ADAM20: variants seen among roughly 807,000 people sequenced by gnomAD.
ADAM20 encodes the protein disintegrin and metalloproteinase domain-containing protein 20.
For missense variants in ADAM20, 871 were observed against 883.2 expected (o/e 0.99, Z 0.18); for synonymous variants, 305 against 310.2 (o/e 0.98, Z 0.18).
chr14:70,564,597 T>C, the ADAM20 span, among the ~76,000 whole-genome samples: 136 of 152,088 alleles, frequency 8.9e-4, no homozygotes, highest in African/African-American at 3.3e-3. Context: ...AAAATGGGAA[T>C]TTTCAAATAC....
the ADAM20 span, among the ~76,000 whole-genome samples, chr14:70,578,016 T>C: frequency 6.6e-6 from 1 of 152,140 alleles, no homozygotes; most frequent in East Asian, 1.9e-4. Flanking sequence ...ATAGAAGAAA[T>C]AATAAATTGG....
intron 1 of ADAM20, among the ~76,000 whole-genome samples, chr14:70,529,319 C>T (rs953507097): frequency 6.6e-6 from 1 of 152,166 alleles, no homozygotes; most frequent in African/African-American, 2.4e-5. Flanking sequence ...AGATTGAAAT[C>T]ACCCCAAGCA....
intron 1 of ADAM20, among the ~76,000 whole-genome samples, chr14:70,526,139 G>C (rs937903297): frequency 4.6e-5 from 7 of 152,292 alleles, no homozygotes; most frequent in African/African-American, 1.7e-4. Context: ...TTTGGCTCAA[G>C]TAAAAGCTAA....
chr14:70,537,914 G>T (rs1883868837), upstream of ADAM20, among the ~76,000 whole-genome samples: 1 of 152,000 alleles, frequency 6.6e-6, no homozygotes, highest in Admixed American at 6.6e-5. Context: ...TCTATATTCA[G>T]GCTTTCTTCT....
chr14:70,556,588 G>C, the ADAM20 span: 1 of 152,156 alleles, frequency 6.6e-6, no homozygotes, highest in East Asian at 1.9e-4. Context: ...TTCAATTGTC[G>C]CCATGAAATT....
the ADAM20 span, among the ~76,000 whole-genome samples, chr14:70,577,587 C>A: frequency 4.6e-5 from 7 of 152,038 alleles, no homozygotes; most frequent in Admixed American, 3.3e-4. Context: ...GAACTATAAC[C>A]CCTAAAATTC....
the ADAM20 span, among the ~76,000 whole-genome samples, chr14:70,578,344 AG>A: frequency 1.3e-5 from 2 of 152,172 alleles, no homozygotes. Context: ...AAACTACCTC[AG>A]GATGTGCCAA....
upstream of ADAM20, among the ~76,000 whole-genome samples, chr14:70,536,811 T>C (rs1002672870): frequency 1.3e-5 from 2 of 149,824 alleles, no homozygotes; most frequent in African/African-American, 2.5e-5. Context: ...CAAGATAACC[T>C]CCCCTCCAGC....
the ADAM20 span, among the ~76,000 whole-genome samples, chr14:70,555,611 T>C: frequency 6.6e-6 from 1 of 152,112 alleles, no homozygotes; most frequent in Non-Finnish European, 1.5e-5. Flanking sequence ...AACAACTTAT[T>C]GAAAATTTAG....
chr14:70,566,797 T>C, the ADAM20 span, among the ~76,000 whole-genome samples: 1 of 152,018 alleles, frequency 6.6e-6, no homozygotes, highest in Non-Finnish European at 1.5e-5. Flanking sequence ...CTGGCCAACA[T>C]GGTGAAACCT....
At position 70,523,878 on chromosome 14, in the gene ADAM20, C is replaced by T. The variant is rs143287090; in HGVS notation, c.880G>A (p.Asp294Asn). The T allele has an allele frequency of 1.9e-4, 310 of 1,613,966 alleles. No individual in the cohort carries two copies. The highest frequency in any genetic ancestry group is 1.7e-3 in the African/African-American group (127 of 75,028). ...NYNLNNRLQH[D>N]VAHLFIKDTQ... ...TCTTTTATGAAAAGATGTGCAACAT[C>T]ATGTTGTAGTCGATTATTAAGGTTA... Residue 294 changes from aspartate to asparagine, a missense_variant, in exon 2 of 2, where the codon GAT (aspartate) becomes AAT (asparagine). Asp to Asn is a conservative substitution (Grantham distance 23). Coordinates refer to ENST00000256389, the MANE Select transcript of ADAM20 (RefSeq NM_003814.5).
At chr14:70,555,719 TTC>T in the ADAM20 span, among the ~76,000 whole-genome samples, 222 of 152,286 alleles carry the variant, frequency 1.5e-3, 2 homozygotes, top group African/African-American at 5.1e-3. Context: ...TTCCCTACGT[TTC>T]TCTCTTCTGA....
At chr14:70,553,551 A>G in the ADAM20 span, among the ~76,000 whole-genome samples, 11 of 146,920 alleles carry the variant, frequency 7.5e-5, no homozygotes, top group Non-Finnish European at 1.7e-4. Flanking sequence ...AAAAAAAACT[A>G]GCAAACCAAA....
chr14:70,565,650 T>G, the ADAM20 span, among the ~76,000 whole-genome samples: 1 of 152,108 alleles, frequency 6.6e-6, no homozygotes, highest in Non-Finnish European at 1.5e-5. Context: ...CATCTGGAGA[T>G]TCAAGCAACT....
chr14:70,541,440 A>T, the ADAM20 span, among the ~76,000 whole-genome samples: 1 of 152,344 alleles, frequency 6.6e-6, no homozygotes, highest in South Asian at 2.1e-4. Flanking sequence ...ATTGTAAAGG[A>T]AATTCTGTAA....
At chr14:70,560,992 C>T in the ADAM20 span, among the ~76,000 whole-genome samples, 1 of 152,142 alleles carries the variant, frequency 6.6e-6, no homozygotes, top group Non-Finnish European at 1.5e-5. Context: ...AACTAGGTAA[C>T]ATTCAGAGGT....
At chr14:70,576,427 A>G in the ADAM20 span, among the ~76,000 whole-genome samples, 1 of 152,210 alleles carries the variant, frequency 6.6e-6, no homozygotes, top group East Asian at 1.9e-4. Flanking sequence ...AAAAGCTGAT[A>G]AAATTTTTTT....
chr14:70,545,578 A>G, the ADAM20 span, among the ~76,000 whole-genome samples: 1 of 152,352 alleles, frequency 6.6e-6, no homozygotes, highest in African/African-American at 2.4e-5. Flanking sequence ...CTATACATAT[A>G]TCAGACAAAA....
intron 1 of ADAM20, among the ~76,000 whole-genome samples, chr14:70,534,507 G>T (rs1883789236): frequency 6.6e-6 from 1 of 152,124 alleles, no homozygotes; most frequent in African/African-American, 2.4e-5. Flanking sequence ...AGGAAATCCT[G>T]TCATATGCTA....
Sources: gnomAD v4.1 joint callset for allele counts (sites outside exome capture counted in the v4.1 genomes callset) on GRCh38, gnomAD v4.1.1 for gene constraint, MANE v1.5 for transcripts, NCBI Gene and HGNC (gene_info 2026-07-23, HGNC 2026-07-21) for gene names.